The following CD99L2 variants were observed in gnomAD, a reference collection of about 807,000 sequenced individuals.
CD99L2 encodes the protein CD99 antigen-like protein 2.
CD99L2 carries 24 observed loss-of-function variants against 27.3 expected under a neutral mutation model. The ratio of observed to expected loss-of-function variants is 0.88; its 90% CI spans 0.64 to 1.24. The LOEUF is 1.24. Ranked by LOEUF, CD99L2 falls within the 50% of genes most tolerant of loss-of-function variation. CD99L2 has a pLI of 0.00. For missense variants in CD99L2, 255 were observed against 221.6 expected, an observed-to-expected ratio of 1.15 and a Z score of -0.96; for synonymous variants, 97 against 87.9, an observed-to-expected ratio of 1.10 and a Z score of -0.58.
chrX:150,874,429 G>C (rs1227750660), intron 1 of CD99L2, among the ~76,000 whole-genome samples: 1 of 111,204 alleles, frequency 9.0e-6, no homozygotes, highest in African/African-American at 3.3e-5. Context: ...ACAGCCACAG[G>C]AAAAGAGGAA....
intron 2 of CD99L2, among the ~76,000 whole-genome samples, chrX:150,817,342 TA>T (rs1372756675): frequency 1.8e-5 from 2 of 110,742 alleles, no homozygotes; most frequent in South Asian, 3.7e-4. Flanking sequence ...ATTGACGATT[TA>T]AAAAAAATTA....
At chrX:150,885,509 G>A (rs1372298931) in intron 1 of CD99L2, among the ~76,000 whole-genome samples, 1 of 112,090 alleles carries the variant, frequency 8.9e-6, no homozygotes, top group African/African-American at 3.2e-5. Context: ...ACATATTTCA[G>A]CATGGAAAAA....
At chrX:150,776,070 T>G in intron 9 of CD99L2, 104 bp downstream of exon 9, 1 of 1,022,133 alleles carries the variant, frequency 9.8e-7, no homozygotes, top group Non-Finnish European at 1.3e-6. Context: ...TGCTTGGGAG[T>G]GGGTCTCAGG....
intron 1 of CD99L2, among the ~76,000 whole-genome samples, chrX:150,886,879 T>C (rs2047419126): frequency 9.0e-6 from 1 of 111,577 alleles, no homozygotes; most frequent in African/African-American, 3.3e-5. Flanking sequence ...TCTAGGAGAG[T>C]GCTCAGGCCA....
intron 1 of CD99L2, among the ~76,000 whole-genome samples, chrX:150,881,094 G>A: frequency 9.0e-6 from 1 of 111,158 alleles, no homozygotes. Flanking sequence ...GGAGCTGCCT[G>A]GCTGTGGCTG....
At chrX:150,792,671 A>G (rs1557419744) in intron 7 of CD99L2, among the ~76,000 whole-genome samples, 1 of 112,098 alleles carries the variant, frequency 8.9e-6, no homozygotes, top group Admixed American at 9.5e-5. Flanking sequence ...TCACACTTAT[A>G]ACCGGGTGTA....
At chrX:150,819,436 A>G (rs1603298451) in intron 2 of CD99L2, among the ~76,000 whole-genome samples, 1 of 111,975 alleles carries the variant, frequency 8.9e-6, no homozygotes, top group Non-Finnish European at 1.9e-5. Flanking sequence ...ATTATAAAAT[A>G]AAACCTACAT....
rs2043342755 is a variant in CD99L2 at position 150,768,174 on chromosome X, A to G, written c.*860T>C. The stretch of plus-strand genomic sequence containing the variant: ...TTGACATCGGTCACTCTTGCTACCA[A>G]AACAGGGACACAGGGTGGAGGGTGA... On this transcript the variant is annotated 3_prime_UTR_variant, in exon 11 of 11. Transcript: ENST00000370377. 1 of 111,972 alleles carries G rather than the reference A, an allele frequency of 8.9e-6. No homozygotes were observed. Among genetic ancestry groups the G allele is most frequent in the African/African-American group, 3.3e-5 (1 of 30,711 alleles). The allele number at this position is 111,972 out of a possible 1,213,427, so 9.2% of individuals were successfully genotyped here.
intron 1 of CD99L2, among the ~76,000 whole-genome samples, chrX:150,853,626 G>A (rs1569566084): frequency 9.0e-6 from 1 of 111,346 alleles, no homozygotes; most frequent in African/African-American, 3.3e-5. Context: ...AGCAAGAAGG[G>A]GTCTTCTCAA....
At position 150,768,977 on chromosome X, in the gene CD99L2, G is replaced by A. The variant is rs2043359286; in HGVS notation, c.*57C>T. The A allele has an allele frequency of 1.8e-6, 2 of 1,110,854 alleles. No individual in the cohort carries two copies. Among genetic ancestry groups the A allele is most frequent in the Non-Finnish European group, 2.3e-6 (2 of 856,794 alleles). 91.5% of individuals were successfully genotyped at this position (1,110,854 alleles called of 1,213,427 possible). A position where few individuals can be genotyped will look rare whatever the true frequency, so the allele number is the denominator to read the frequency against. ...CTGCGGGTCCAAATGAAGGGGTGGG[G>A]GGAGCCGGGTGACAAGCGGTGGCAC... On this transcript the variant is annotated 3_prime_UTR_variant, in exon 11 of 11. Transcript: ENST00000370377.
At chrX:150,872,492 G>A (rs1207133913) in intron 1 of CD99L2, among the ~76,000 whole-genome samples, 1 of 102,131 alleles carries the variant, frequency 9.8e-6, no homozygotes, top group Non-Finnish European at 2.0e-5. Context: ...GACTACTGAA[G>A]ATCTTAATAT....
At chrX:150,846,689 G>C (rs1265532877) in intron 1 of CD99L2, among the ~76,000 whole-genome samples, 1 of 111,121 alleles carries the variant, frequency 9.0e-6, no homozygotes, top group Non-Finnish European at 1.9e-5. Context: ...ATGTTCAAAA[G>C]CTTAATGGAT....
chrX:150,835,011 C>T (rs2046504473), intron 1 of CD99L2, among the ~76,000 whole-genome samples: 1 of 111,906 alleles, frequency 8.9e-6, no homozygotes, highest in South Asian at 3.7e-4. Context: ...ATTGTATGAT[C>T]TCACTTAGAT....
chrX:150,893,747 GCT>G (rs1466556309), intron 1 of CD99L2, among the ~76,000 whole-genome samples: 1 of 109,664 alleles, frequency 9.1e-6, no homozygotes, highest in Non-Finnish European at 1.9e-5. Context: ...ACAGAGTCTC[GCT>G]CTGTCGCCCA....
Position 150,768,882 on chromosome X carries a change from C to G in CD99L2, c.*152G>C, listed in dbSNP as rs1485701431. On this transcript the variant is annotated 3_prime_UTR_variant, in exon 11 of 11. Transcript: ENST00000370377. The stretch of plus-strand genomic sequence containing the variant: ...TGGGGCAGGGCAGAGAAACCAAACT[C>G]ACAAACACCCAGAGCTCATCCGGGA... 4.8e-6 allele frequency: 5 copies of G among 1,035,005 alleles called. No individual in the cohort carries two copies. The highest frequency in any genetic ancestry group is 4.4e-5 in the Admixed American group (1 of 22,985). 85.3% of individuals were successfully genotyped at this position (1,035,005 alleles called of 1,213,427 possible).
intron 3 of CD99L2, 183 bp from the exon 4 acceptor site, chrX:150,815,119 T>C (rs782518983): frequency 2.9e-5 from 4 of 137,730 alleles, no homozygotes; most frequent in East Asian, 5.4e-4. Flanking sequence ...ATCTGCAGGA[T>C]AGAAAAAGTT....
chrX:150,873,389 G>A (rs897221444), intron 1 of CD99L2, among the ~76,000 whole-genome samples: 11 of 111,716 alleles, frequency 9.8e-5, no homozygotes, highest in Non-Finnish European at 1.5e-4. Flanking sequence ...AAGTAAATTC[G>A]TGGTTGCCCA....
At chrX:150,806,737 A>G (rs2046000394) in intron 4 of CD99L2, among the ~76,000 whole-genome samples, 1 of 110,850 alleles carries the variant, frequency 9.0e-6, no homozygotes, top group Non-Finnish European at 1.9e-5. Flanking sequence ...CTAAAAACAC[A>G]AAAATTAGCC....
rs782003196 is a variant in CD99L2 at position 150,866,986 on chromosome X, C to A, written c.67+31536G>T. Among the ~76,000 whole-genome samples, 7 of 111,852 alleles carry A rather than the reference C, an allele frequency of 6.3e-5. No individual in the cohort carries two copies. The South Asian group carries it at 2.6e-3, about 41-fold the overall frequency. The stretch of plus-strand genomic sequence containing the variant: ...AAAAAAAAACAGGTAGCTCCTGGGA[C>A]CTATTTCATCCTACTCATCAGCCTG... On this transcript the variant is annotated intron_variant, in intron 1 of 10. Coordinates refer to ENST00000370377, the MANE Select transcript of CD99L2 (RefSeq NM_031462.4).
Sources: allele counts gnomAD v4.1 joint callset (sites outside exome capture counted in the v4.1 genomes callset), GRCh38; gene constraint gnomAD v4.1.1; transcripts MANE v1.5; gene names NCBI Gene and HGNC (gene_info 2026-07-23, HGNC 2026-07-21).